Variants in ITGB4 observed in about 807,000 individuals in gnomAD.
ITGB4 encodes the protein integrin beta-4.
A neutral mutation model predicts 207.6 loss-of-function variants in ITGB4; 159 were observed. The ratio of observed to expected loss-of-function variants is 0.77; its 90% CI spans 0.67 to 0.87. ITGB4 has a LOEUF of 0.87. Among genes scored for constraint, ITGB4 ranks in the 40% least tolerant of loss-of-function variants. The pLI, the probability that ITGB4 is intolerant of heterozygous loss-of-function variation, is 0.00. For missense variants in ITGB4, 2,278 were observed against 2,546.8 expected (o/e 0.89, Z 2.27); for synonymous variants, 1,020 against 1,062.7 (o/e 0.96, Z 0.78).
rs1481606312 is a variant in ITGB4 at position 75,742,245 on chromosome 17, T to A, written c.2634-96T>A. 3.3e-6 allele frequency: 5 copies of A among 1,500,184 alleles called. No homozygotes were observed. The African/African-American group carries it at 5.5e-5, about 17-fold the overall frequency. 92.9% of individuals were successfully genotyped at this position (1,500,184 alleles called of 1,614,324 possible). A position where few individuals can be genotyped will look rare whatever the true frequency, so the allele number is the denominator to read the frequency against. Reference sequence around the variant, plus strand: ...ACCCTGCACTTCTTGCTGTCTTACATCCTGGCCCCTGAAGGGGAGAAGACA... The same window carrying A: ...ACCCTGCACTTCTTGCTGTCTTACAACCTGGCCCCTGAAGGGGAGAAGACA... On this transcript the variant is annotated intron_variant, in intron 23 of 39. Transcript: ENST00000200181. This position sits in a 1 kb window ranked among gnomAD's most constrained non-coding sequence, Gnocchi z 5.9.
At chr17:75,746,734 G>A (rs956987004) in intron 26 of ITGB4, among the ~76,000 whole-genome samples, 1 of 150,692 alleles carries the variant, frequency 6.6e-6, no homozygotes, top group African/African-American at 2.4e-5. Flanking sequence ...GAGATCAGGA[G>A]TTCAAGACCA....
At chr17:75,747,479 A>C (rs1011215608) in intron 26 of ITGB4, among the ~76,000 whole-genome samples, 6 of 152,192 alleles carry the variant, frequency 3.9e-5, no homozygotes, top group African/African-American at 1.4e-4. Flanking sequence ...ACTCCATCCC[A>C]AAAAATATAT....
intron 34 of ITGB4, 146 bp downstream of exon 34, chr17:75,754,961 C>CAAAT (rs3988219): frequency 1.6e-5 from 25 of 1,531,472 alleles, no homozygotes; most frequent in Admixed American, 1.8e-5. Flanking sequence ...CACGTGCACA[C>CAAAT]GCATGCACAC....
chr17:75,726,632 T>C (rs2148458642), intron 2 of ITGB4, among the ~76,000 whole-genome samples: 1 of 152,028 alleles, frequency 6.6e-6, no homozygotes, highest in African/African-American at 2.4e-5. Flanking sequence ...CTCGGGAGGC[T>C]GAGGCAGGAG....
chr17:75,740,635 G>A lies in ITGB4; in HGVS notation c.2551-158G>A, dbSNP rs993946435. 3.0e-6 allele frequency: 3 copies of A among 992,026 alleles called. No individual in the cohort carries two copies. In the African/African-American group the frequency reaches 4.8e-5, roughly 16 times the overall value. 61.5% of individuals were successfully genotyped at this position (992,026 alleles called of 1,614,324 possible). The stretch of plus-strand genomic sequence containing the variant: ...GGGATCTGTTTCCAGAGGGCAGAAG[G>A]CCAGAGCCTGGGCCCAGGATGCTGC... On this transcript the variant is annotated intron_variant, in intron 21 of 39. Coordinates refer to ENST00000200181, the MANE Select transcript of ITGB4 (RefSeq NM_000213.5). This position sits in a 1 kb window ranked among gnomAD's most constrained non-coding sequence, Gnocchi z 5.9.
Position 75,727,087 on chromosome 17 carries a change from AATAAC to A in ITGB4, c.80-103_80-99del, listed in dbSNP as rs2060734082. On this transcript the variant is annotated intron_variant, in intron 2 of 39. Coordinates refer to ENST00000200181, the MANE Select transcript of ITGB4 (RefSeq NM_000213.5). The surrounding 1 kb of genome is among the most constrained non-coding windows in gnomAD (Gnocchi z 6.0). ...GACTCTGTCTCAAAATAAATAAATA[AATAAC>A]ATAAGGAGGGAATCCCCATCTCTCC... 1.1e-6 allele frequency: 1 copy of A among 871,408 alleles called. No homozygotes were observed. The highest frequency in any genetic ancestry group is 1.9e-6 in the Non-Finnish European group (1 of 530,468). The allele number at this position is 871,408 out of a possible 1,614,324, so 54.0% of individuals were successfully genotyped here. A position where few individuals can be genotyped will look rare whatever the true frequency, so the allele number is the denominator to read the frequency against.
At position 75,727,236 on chromosome 17, in the gene ITGB4, T is replaced by C. The variant is rs920810686; in HGVS notation, c.121T>C (p.Cys41Arg). The change falls in exon 3 of 40, where the codon TGT (cysteine) becomes CGT (arginine). Residue 41 changes from cysteine to arginine, a missense_variant. Physicochemically the swap from Cys to Arg is radical, Grantham distance 180. Coordinates refer to ENST00000200181, the MANE Select transcript of ITGB4 (RefSeq NM_000213.5). The surrounding 1 kb of genome is among the most constrained non-coding windows in gnomAD (Gnocchi z 6.0). ...GGCCCCAGTGAAGAGCTGCACGGAG[T>C]GTGTCCGTGTGGATAAGGACTGCGC... The part of the protein sequence containing the change: ...KKAPVKSCTE[C>R]VRVDKDCAYC... 2.5e-6 allele frequency: 4 copies of C among 1,613,672 alleles called. No individual in the cohort carries two copies. Among genetic ancestry groups the C allele is most frequent in the Non-Finnish European group, 3.4e-6 (4 of 1,179,900 alleles).
intron 18 of ITGB4, among the ~76,000 whole-genome samples, chr17:75,738,425 G>T (rs1394590974): frequency 2.0e-5 from 3 of 152,220 alleles, no homozygotes; most frequent in Admixed American, 6.5e-5. Context: ...AGGTCAGTGG[G>T]GCAAGGTCAC....
Position 75,743,860 on chromosome 17 carries a change from G to A in ITGB4, c.3110G>A (p.Arg1037Gln), listed in dbSNP as rs560545934. The change falls in exon 26 of 40, where the codon CGG becomes CAG. Residue 1037 changes from arginine (R) to glutamine (Q), a missense_variant and splice_region_variant. Arg to Gln is a conservative substitution (Grantham distance 43, BLOSUM62 1). Transcript: ENST00000200181. ...RTQDGTAQGN[R>Q]DYIPVEGELL... ...CAGGATGGCACCGCGCAGGGCAACCGGGTGAGGCTGCGCCACAGGGTCGAG... is the reference window on the plus strand; with the variant it reads ...CAGGATGGCACCGCGCAGGGCAACCAGGTGAGGCTGCGCCACAGGGTCGAG... 33 of 1,580,652 alleles carry A rather than the reference G, an allele frequency of 2.1e-5. 1 individual carries two copies. The highest frequency in any genetic ancestry group is 1.9e-4 in the African/African-American group (14 of 74,124).
rs201117327 is a variant in ITGB4, at chr17:75,740,941, T to C, written c.2610-41T>C. 11 of 1,613,798 alleles carry C rather than the reference T, an allele frequency of 6.8e-6. No homozygotes were observed. Among genetic ancestry groups the C allele is most frequent in the Non-Finnish European group, 8.5e-6 (10 of 1,179,976 alleles). Reference sequence around the variant, plus strand: ...CCCCCAGGCCGATCAGGCCTCCACTTCAGGGCTATCTAGCTCACAGCGCCC... The same window carrying C: ...CCCCCAGGCCGATCAGGCCTCCACTCCAGGGCTATCTAGCTCACAGCGCCC... On this transcript the variant is annotated intron_variant, in intron 22 of 39. Coordinates refer to ENST00000200181, the MANE Select transcript of ITGB4 (RefSeq NM_000213.5). The surrounding 1 kb of genome is among the most constrained non-coding windows in gnomAD (Gnocchi z 5.9).
chr17:75,757,243 C>G lies in ITGB4; in HGVS notation c.5262C>G (p.His1754Gln). ...GCAGCCGTGCCGGGCTCTTCCAGCA[C>G]CCGCTGCAAAGCGAGTACAGCAGCA... ...QLGSRAGLFQHPLQSEYSSIT... is the reference protein window; with the variant it reads ...QLGSRAGLFQQPLQSEYSSIT... Residue 1754 changes from histidine (H) to glutamine (Q), a missense_variant, in exon 39 of 40, where the codon CAC becomes CAG. His to Gln is a conservative substitution (Grantham distance 24, BLOSUM62 0). Coordinates refer to ENST00000200181, the MANE Select transcript of ITGB4 (RefSeq NM_000213.5). 1 of 1,612,016 alleles carries G rather than the reference C, an allele frequency of 6.2e-7. No homozygotes were observed. Among genetic ancestry groups the G allele is most frequent in the Non-Finnish European group, 8.5e-7 (1 of 1,179,998 alleles).
At chr17:75,724,297 C>A (rs1017424948) in intron 1 of ITGB4, among the ~76,000 whole-genome samples, 2 of 152,212 alleles carry the variant, frequency 1.3e-5, no homozygotes, top group Non-Finnish European at 2.9e-5. Context: ...GCTGCGGCCC[C>A]CTCTCAGGGA....
intron 8 of ITGB4, 35 bp from the exon 9 acceptor site, chr17:75,730,840 A>C (rs774951439): frequency 6.5e-7 from 1 of 1,528,772 alleles, no homozygotes; most frequent in Admixed American, 1.7e-5. Context: ...ATTCATGGAG[A>C]TGCTTAGCCT....
rs189844909 is a variant in ITGB4 at position 75,739,456 on chromosome 17, A to G, written c.2221-216A>G. On this transcript the variant is annotated intron_variant, in intron 18 of 39. Transcript: ENST00000200181. The surrounding 1 kb of genome is among the most constrained non-coding windows in gnomAD (Gnocchi z 5.4). Reference sequence around the variant, plus strand: ...CCTTTACAGAGCACCCGGCAGGATGAGAGTTCCACGGCGCAAACTTTGGGA... The same window carrying G: ...CCTTTACAGAGCACCCGGCAGGATGGGAGTTCCACGGCGCAAACTTTGGGA... Among the ~76,000 whole-genome samples the G allele has an allele frequency of 1.3e-5, 2 of 152,282 alleles. No individual in the cohort carries two copies. Among genetic ancestry groups the G allele is most frequent in the East Asian group, 3.9e-4 (2 of 5,188 alleles).
In ITGB4 at chr17:75,727,206, A is replaced by G. The variant is rs1455924041; in HGVS notation, c.91A>G (p.Lys31Glu). Residue 31 changes from lysine (K) to glutamate (E), a missense_variant, in exon 3 of 40, where the codon AAG (lysine) becomes GAG (glutamate). Coordinates refer to ENST00000200181, the MANE Select transcript of ITGB4 (RefSeq NM_000213.5). This position sits in a 1 kb window ranked among gnomAD's most constrained non-coding sequence, Gnocchi z 6.0. ...ATCTGTCCCCCCAGCAAACCGCTGC[A>G]AGAAGGCCCCAGTGAAGAGCTGCAC... ...SLSGTLANRC[K>E]KAPVKSCTEC... 3 of 1,613,890 alleles carry G rather than the reference A, an allele frequency of 1.9e-6. No individual in the cohort carries two copies. The African/African-American group carries it at 4.0e-5, about 22-fold the overall frequency.
At position 75,740,671 on chromosome 17, in the gene ITGB4, A is replaced by G. The variant is rs1359468721; in HGVS notation, c.2551-122A>G. ...GGCCCAGGATGCTGCCCCACGGGGC[A>G]TGCCCCAGCCAACCCTGAGGATCTC... On this transcript the variant is annotated intron_variant, in intron 21 of 39. Transcript: ENST00000200181. The surrounding 1 kb of genome is among the most constrained non-coding windows in gnomAD (Gnocchi z 5.9). The G allele has an allele frequency of 1.2e-5, 14 of 1,195,962 alleles. No homozygotes were observed. The East Asian group carries it at 3.3e-4, about 28-fold the overall frequency. The allele number at this position is 1,195,962 out of a possible 1,614,324, so 74.1% of individuals were successfully genotyped here.
chr17:75,746,432 C>T (rs1208069298), intron 26 of ITGB4: 1 of 152,070 alleles, frequency 6.6e-6, no homozygotes, highest in Admixed American at 6.6e-5. Context: ...GGGGTTTCAC[C>T]ATGTTGGTCA....
At chr17:75,728,613 C>A in intron 6 of ITGB4, 140 bp downstream of exon 6, 1 of 711,144 alleles carries the variant, frequency 1.4e-6, no homozygotes, top group South Asian at 1.5e-5. Context: ...CTTTGGGAGA[C>A]CAGGGCGGGC....
At chr17:75,753,456 G>T (rs988568016) in intron 32 of ITGB4, among the ~76,000 whole-genome samples, 28 of 152,200 alleles carry the variant, frequency 1.8e-4, no homozygotes, top group African/African-American at 6.8e-4. Context: ...AGTAAAGCAA[G>T]GGAGACCTCA....
Sources: gnomAD v4.1 joint callset for allele counts (sites outside exome capture counted in the v4.1 genomes callset) on GRCh38, gnomAD v4.1.1 for gene constraint, Gnocchi (gnomAD v3.1) non-coding constraint, MANE v1.5 for transcripts, NCBI Gene and HGNC (gene_info 2026-07-23, HGNC 2026-07-21) for gene names.